The following GRIP1 variants were observed in gnomAD, a reference collection of about 807,000 sequenced individuals.
GRIP1 encodes glutamate receptor interacting protein 1.
Under a neutral mutation model 129.9 loss-of-function variants are expected in GRIP1, and 45 were observed. The ratio of observed to expected loss-of-function variants is 0.35; its 90% CI spans 0.27 to 0.44. GRIP1 has a LOEUF of 0.44. Ranked by LOEUF, GRIP1 falls within the 20% of genes least tolerant of loss-of-function variation. The pLI, the probability that GRIP1 is intolerant of heterozygous loss-of-function variation, is 1.00. For missense variants in GRIP1, 1,196 were observed against 1,396.8 expected (o/e 0.86, Z 2.29); for synonymous variants, 530 against 520.8 (o/e 1.02, Z -0.24).
At chr12:66,700,330 C>T (rs1471532399) in intron 1 of GRIP1, among the ~76,000 whole-genome samples, 5 of 151,714 alleles carry the variant, frequency 3.3e-5, no homozygotes, top group African/African-American at 4.8e-5. Context: ...AAGCATGAGG[C>T]TGGGGAGGTA....
At chr12:66,825,316 C>T (rs1434218507) in intron 1 of GRIP1, among the ~76,000 whole-genome samples, 1 of 152,088 alleles carries the variant, frequency 6.6e-6, no homozygotes, top group Non-Finnish European at 1.5e-5. Flanking sequence ...TCATTATTAC[C>T]TTTCTCCATA....
At chr12:66,538,988 A>G in intron 4 of GRIP1, 90 bp downstream of exon 4, 2 of 1,071,224 alleles carry the variant, frequency 1.9e-6, no homozygotes, top group Non-Finnish European at 2.9e-6. Flanking sequence ...AACCTGATAT[A>G]TATAGGGTTT....
rs528460847 is a variant in GRIP1 at position 66,405,302 on chromosome 12, C to T, written c.1984+981G>A. Among the ~76,000 whole-genome samples, 6 of 152,274 alleles carry T rather than the reference C, an allele frequency of 3.9e-5. No homozygotes were observed. The South Asian group carries it at 8.3e-4, about 21-fold the overall frequency. On this transcript the variant is annotated intron_variant, in intron 16 of 24. Transcript: ENST00000359742. ...ATAGGAAAGGCCTTGACTTTACCCA[C>T]GAGATTGGCAAAATTGTAAATTAAA... is the stretch of plus-strand genomic sequence containing the variant.
intron 7 of GRIP1, among the ~76,000 whole-genome samples, chr12:66,485,519 C>T (rs2138611985): frequency 6.6e-6 from 1 of 151,794 alleles, no homozygotes. Context: ...AATATACTTT[C>T]CTCCCTCTAT....
At chr12:66,433,337 T>C (rs1347655147) in intron 13 of GRIP1, among the ~76,000 whole-genome samples, 1 of 151,568 alleles carries the variant, frequency 6.6e-6, no homozygotes, top group African/African-American at 2.4e-5. Context: ...GACCACAGAG[T>C]TGGAACACAG....
At chr12:66,994,444 A>T (rs546534944) in intron 1 of GRIP1, among the ~76,000 whole-genome samples, 210 of 99,728 alleles carry the variant, frequency 2.1e-3, no homozygotes, top group Non-Finnish European at 3.6e-3. Context: ...CTTTTATGAT[A>T]AAAAAAAAAA....
intron 1 of GRIP1, among the ~76,000 whole-genome samples, chr12:66,625,198 G>A (rs1592665641): frequency 6.6e-6 from 1 of 152,050 alleles, no homozygotes; most frequent in African/African-American, 2.4e-5. Context: ...TATTTAAGTT[G>A]CATATATTAT....
At chr12:66,392,553 T>C in intron 18 of GRIP1, 51 bp from the exon 19 acceptor site, 1 of 1,583,942 alleles carries the variant, frequency 6.3e-7, no homozygotes, top group East Asian at 2.2e-5. Context: ...TAAATAAAAA[T>C]ATACCAAGAT....
chr12:66,831,537 TGCTTTATGTGTGTCCTCACAA>T (rs1279956062), intron 1 of GRIP1, among the ~76,000 whole-genome samples: 1 of 152,242 alleles, frequency 6.6e-6, no homozygotes, highest in African/African-American at 2.4e-5. Flanking sequence ...AATGAGTATA[TGCTTTATGTGTGTCCTCACAA>T]GCAACACTTC....
rs1250833017 is a variant in GRIP1 at position 66,539,544 on chromosome 12, G to GTTTT, written c.273-322_273-321insAAAA. Among the ~76,000 whole-genome samples the GTTTT allele has an allele frequency of 4.8e-3, 323 of 67,636 alleles. 12 individuals carry two copies. Among genetic ancestry groups the GTTTT allele is most frequent in the African/African-American group, 0.019 (309 of 16,268 alleles). 44.4% of individuals were successfully genotyped at this position (67,636 alleles called of 152,430 possible). On this transcript the variant is annotated intron_variant, in intron 3 of 24. Coordinates refer to ENST00000359742, the MANE Select transcript of GRIP1 (RefSeq NM_001366722.1). ...GCACCATAAAACAAAATCAAGAGAA[G>GTTTT]CTTTTTTTTTTTTTTTTTTTTTTTT...
At chr12:66,350,105 C>T (rs987531910) in intron 24 of GRIP1, among the ~76,000 whole-genome samples, 2 of 152,140 alleles carry the variant, frequency 1.3e-5, no homozygotes, top group South Asian at 2.1e-4. Flanking sequence ...TAAAACTCTC[C>T]TTCCTTAGTT....
intron 1 of GRIP1, among the ~76,000 whole-genome samples, chr12:66,809,721 G>C (rs901134906): frequency 2.0e-5 from 3 of 150,228 alleles, no homozygotes; most frequent in Non-Finnish European, 2.9e-5. Context: ...GTCCAGTGGT[G>C]CAATCACAGC....
intron 1 of GRIP1, among the ~76,000 whole-genome samples, chr12:67,056,379 T>G (rs1345000426): frequency 6.6e-6 from 1 of 152,182 alleles, no homozygotes; most frequent in Non-Finnish European, 1.5e-5. Context: ...CTAGGAAAAC[T>G]GGAAGACCAG....
intron 1 of GRIP1, among the ~76,000 whole-genome samples, chr12:66,658,787 G>A (rs1464593353): frequency 6.6e-6 from 1 of 151,444 alleles, no homozygotes. Context: ...AGCCAGGTGT[G>A]GTGGCATGCA....
At chr12:67,052,021 A>G (rs1470050254) in intron 1 of GRIP1, among the ~76,000 whole-genome samples, 2 of 152,216 alleles carry the variant, frequency 1.3e-5, no homozygotes, top group Admixed American at 6.5e-5. Context: ...GCTGAACCAC[A>G]TATCAGTAAC....
intron 1 of GRIP1, among the ~76,000 whole-genome samples, chr12:66,724,735 T>C (rs1223496808): frequency 1.3e-5 from 2 of 152,178 alleles, no homozygotes; most frequent in Admixed American, 6.5e-5. Flanking sequence ...CCACTCACAG[T>C]TGACCACATC....
At chr12:66,630,749 T>C (rs2030684664) in intron 1 of GRIP1, among the ~76,000 whole-genome samples, 1 of 152,128 alleles carries the variant, frequency 6.6e-6, no homozygotes, top group Non-Finnish European at 1.5e-5. Flanking sequence ...CTTATCACAT[T>C]TTCAGTGCAA....
intron 1 of GRIP1, among the ~76,000 whole-genome samples, chr12:66,925,256 G>A (rs533209736): frequency 6.6e-6 from 1 of 152,280 alleles, no homozygotes; most frequent in African/African-American, 2.4e-5. Context: ...ATGCCCAGAA[G>A]TGAAAGCGAA....
chr12:66,886,180 C>T (rs2040563568), intron 1 of GRIP1, among the ~76,000 whole-genome samples: 1 of 152,036 alleles, frequency 6.6e-6, no homozygotes, highest in Admixed American at 6.5e-5. Flanking sequence ...GCAGGAGGAT[C>T]ATTTGAACCC....
Sources: gnomAD v4.1 joint callset for allele counts (sites outside exome capture counted in the v4.1 genomes callset) on GRCh38, gnomAD v4.1.1 for gene constraint, MANE v1.5 for transcripts, NCBI Gene and HGNC (gene_info 2026-07-23, HGNC 2026-07-21) for gene names.